UBE4A: variants seen among roughly 807,000 people sequenced by gnomAD.
The protein encoded by UBE4A is ubiquitination factor E4A.
In UBE4A, 48 loss-of-function variants were observed where a neutral mutation model predicts 117.9. The ratio of observed to expected loss-of-function variants is 0.41; its 90% CI spans 0.32 to 0.52. UBE4A has a LOEUF of 0.52. Ranked by LOEUF, UBE4A falls within the 20% of genes least tolerant of loss-of-function variation. The probability of loss-of-function intolerance (pLI) is 0.33; values close to 1 mark genes in which losing one functional copy is unlikely to be tolerated. For missense variants in UBE4A, 1,067 were observed against 1,296.3 expected, an observed-to-expected ratio of 0.82 and a Z score of 2.72; for synonymous variants, 407 against 450.0, an observed-to-expected ratio of 0.90 and a Z score of 1.21.
chr11:118,391,118 G>A (rs1387888582), intron 18 of UBE4A, among the ~76,000 whole-genome samples: 2 of 151,426 alleles, frequency 1.3e-5, no homozygotes, highest in African/African-American at 4.9e-5. Context: ...TAAACAGATG[G>A]TTCTTTTTGG....
At chr11:118,362,116 T>G (rs1351268746) in intron 1 of UBE4A, among the ~76,000 whole-genome samples, 2 of 152,138 alleles carry the variant, frequency 1.3e-5, no homozygotes, top group Non-Finnish European at 2.9e-5. Flanking sequence ...TTTCTCTTGA[T>G]AGTCTTTTTG....
At chr11:118,396,162 T>C in intron 19 of UBE4A, 152 bp from the exon 20 acceptor site, 1 of 852,116 alleles carries the variant, frequency 1.2e-6, no homozygotes, top group South Asian at 2.1e-5. Flanking sequence ...CATCTTGTTC[T>C]CACTCTTTCT....
chr11:118,396,547 CTTTTTTTTTTT>C lies in UBE4A; in HGVS notation c.*115_*125del, dbSNP rs5795126. 7.3e-6 allele frequency: 6 copies of C among 817,902 alleles called. No individual in the cohort carries two copies. The highest frequency in any genetic ancestry group is 2.1e-5 in the African/African-American group (1 of 47,762). The allele number at this position is 817,902 out of a possible 1,614,324, so 50.7% of individuals were successfully genotyped here. Reference sequence around the variant, plus strand: ...TCCTTTTCTTTCTTCTTTTCTTTTTCTTTTTTTTTTTTTTTTTTACTAAATTAGAGAACTGC... The same window carrying C: ...TCCTTTTCTTTCTTCTTTTCTTTTTCTTTTTTTACTAAATTAGAGAACTGC... On this transcript the variant is annotated 3_prime_UTR_variant, in exon 20 of 20. Coordinates refer to ENST00000252108, the MANE Select transcript of UBE4A (RefSeq NM_001204077.2).
At chr11:118,393,011 T>G in intron 19 of UBE4A, 116 bp downstream of exon 19, 1 of 1,035,150 alleles carries the variant, frequency 9.7e-7, no homozygotes, top group Non-Finnish European at 1.4e-6. Context: ...TATTATTGAT[T>G]TACTGATATG....
chr11:118,376,533 C>T lies in UBE4A; in HGVS notation c.1451-41C>T, dbSNP rs781805830. On this transcript the variant is annotated intron_variant, in intron 9 of 19. Coordinates refer to ENST00000252108, the MANE Select transcript of UBE4A (RefSeq NM_001204077.2). ...AATGAGTGTAAGAGGAGACTGGAGA[C>T]CAAGACATTTACCCTCTTTTTTTTT... The T allele has an allele frequency of 1.9e-6, 3 of 1,603,914 alleles. No homozygotes were observed. The East Asian group carries it at 6.7e-5, about 36-fold the overall frequency.
chr11:118,399,111 G>A lies in UBE4A; in HGVS notation c.*2671G>A, dbSNP rs1367150387. The A allele has an allele frequency of 4.4e-6, 2 of 454,262 alleles. No homozygotes were observed. The highest frequency in any genetic ancestry group is 8.9e-6 in the Non-Finnish European group (2 of 225,758). The allele number at this position is 454,262 out of a possible 1,614,324, so 28.1% of individuals were successfully genotyped here. ...GATTGAAATAAAACTTGATCAACGC[G>A]ACTGTATTTTGAAACATTCCAGGAA... On this transcript the variant is annotated 3_prime_UTR_variant, in exon 20 of 20. Coordinates refer to ENST00000252108, the MANE Select transcript of UBE4A (RefSeq NM_001204077.2).
At chr11:118,386,702 C>T (rs1948762337) in intron 16 of UBE4A, 90 bp downstream of exon 16, 2 of 1,373,722 alleles carry the variant, frequency 1.5e-6, no homozygotes, top group Non-Finnish European at 9.6e-7. Context: ...ACTAAGAATT[C>T]AGACCCTGGT....
At position 118,371,619 on chromosome 11, in the gene UBE4A, C is replaced by T. The variant is rs1948610951; in HGVS notation, c.514C>T (p.His172Tyr). The T allele has an allele frequency of 6.2e-7, 1 of 1,613,598 alleles. No individual in the cohort carries two copies. Among genetic ancestry groups the T allele is most frequent in the African/African-American group, 1.3e-5 (1 of 74,896 alleles). Reference sequence around the variant, plus strand: ...TGCTGATCGAGATGCAGGAGAGAGGCACATTTTTTGTTACCTTTACTCCTG... The same window carrying T: ...TGCTGATCGAGATGCAGGAGAGAGGTACATTTTTTGTTACCTTTACTCCTG... ...LSADRDAGER[H>Y]IFCYLYSCFQ... Residue 172 changes from histidine (H) to tyrosine (Y), a missense_variant, in exon 5 of 20, where the codon CAC becomes TAC. This residue lies in a region of UBE4A where 1,001 missense variants were observed against 1,184.0 expected (regional missense o/e 0.85). Transcript: ENST00000252108.
chr11:118,382,806 C>A, intron 13 of UBE4A, 30 bp downstream of exon 13: 1 of 1,511,552 alleles, frequency 6.6e-7, no homozygotes, highest in Non-Finnish European at 8.9e-7. Context: ...GAGCCCAGAA[C>A]TGGGAAGCTG....
At chr11:118,367,362 C>T (rs559896913) in intron 2 of UBE4A, among the ~76,000 whole-genome samples, 59 of 152,094 alleles carry the variant, frequency 3.9e-4, no homozygotes, top group Non-Finnish European at 5.1e-4. Flanking sequence ...AATTTATTCT[C>T]ATCAATCATT....
chr11:118,367,468 G>T (rs1273605724), intron 2 of UBE4A, among the ~76,000 whole-genome samples: 1 of 151,206 alleles, frequency 6.6e-6, no homozygotes, highest in Admixed American at 6.6e-5. Context: ...TGTTGGGTTT[G>T]CATGTAAATC....
At position 118,365,006 on chromosome 11, in the gene UBE4A, G is replaced by T; in HGVS notation, c.-41-34G>T. 3 of 1,505,346 alleles carry T rather than the reference G, an allele frequency of 2.0e-6. No homozygotes were observed. The South Asian group carries it at 3.9e-5, about 20-fold the overall frequency. 93.2% of individuals were successfully genotyped at this position (1,505,346 alleles called of 1,614,324 possible). A position where few individuals can be genotyped will look rare whatever the true frequency, so the allele number is the denominator to read the frequency against. On this transcript the variant is annotated intron_variant, in intron 1 of 19. Coordinates refer to ENST00000252108, the MANE Select transcript of UBE4A (RefSeq NM_001204077.2). ...GTATATTACAGCTATTGTGTCATCT[G>T]CCCTCTTGTGTCTAATACCTGTCCT... is the stretch of plus-strand genomic sequence containing the variant.
chr11:118,371,707 G>T (rs1468954636), intron 5 of UBE4A, 41 bp downstream of exon 5: 2 of 1,561,772 alleles, frequency 1.3e-6, no homozygotes, highest in Non-Finnish European at 1.7e-6. Context: ...TTGTCCTCTT[G>T]GGTATGACTT....
At chr11:118,391,710 C>T (rs1048831197) in intron 18 of UBE4A, among the ~76,000 whole-genome samples, 16 of 150,802 alleles carry the variant, frequency 1.1e-4, no homozygotes, top group African/African-American at 1.2e-4. Flanking sequence ...AGGAGAATGG[C>T]GTGAACCCAG....
In UBE4A at chr11:118,393,658, C is replaced by T. The variant is rs998121460; in HGVS notation, c.3074+763C>T. Among the ~76,000 whole-genome samples, 30 of 151,604 alleles carry T rather than the reference C, an allele frequency of 2.0e-4. 1 individual carries two copies. The highest frequency in any genetic ancestry group is 5.8e-4 in the African/African-American group (24 of 41,274). On this transcript the variant is annotated intron_variant, in intron 19 of 19. Transcript: ENST00000252108. The stretch of plus-strand genomic sequence containing the variant: ...TCACCAAGGCTAGAGTGCAGTGGCG[C>T]GATCTCAGCTCACTGCAAGCTCCGC...
In UBE4A at chr11:118,379,514, A is replaced by G. The variant is rs1197028477; in HGVS notation, c.1640A>G (p.Gln547Arg). ...HRLQVAWRDA[Q>R]QSSSPAADNL... is the part of the protein sequence containing the mutation. ...CTGCAGGTTGCCTGGCGGGATGCTCAGCAAAGTTCTAGCCCTGCTGCTGAC... is the reference window on the plus strand; with the variant it reads ...CTGCAGGTTGCCTGGCGGGATGCTCGGCAAAGTTCTAGCCCTGCTGCTGAC... The change falls in exon 11 of 20, where the codon CAG becomes CGG. Residue 547 changes from glutamine (Q) to arginine (R), a missense_variant. Coordinates refer to ENST00000252108, the MANE Select transcript of UBE4A (RefSeq NM_001204077.2). 2 of 1,614,234 alleles carry G rather than the reference A, an allele frequency of 1.2e-6. No individual in the cohort carries two copies. The highest frequency in any genetic ancestry group is 1.7e-6 in the Non-Finnish European group (2 of 1,180,030).
chr11:118,369,443 G>A lies in UBE4A; in HGVS notation c.316G>A (p.Gly106Arg), dbSNP rs1299730575. The change falls in exon 4 of 20, where the codon GGG becomes AGG. Residue 106 changes from glycine to arginine, a missense_variant. This residue lies in a region of UBE4A where 1,001 missense variants were observed against 1,184.0 expected (regional missense o/e 0.85). Coordinates refer to ENST00000252108, the MANE Select transcript of UBE4A (RefSeq NM_001204077.2). ...CCCAGGTGATCCCAGCTTGAAAAGC[G>A]GGAATGGCATCCCTAGCCGTTGTGT... The part of the protein sequence containing the change: ...LDNSDPSLKS[G>R]NGIPSRCVYL... 9.9e-6 allele frequency: 16 copies of A among 1,614,062 alleles called. No individual in the cohort carries two copies. Among genetic ancestry groups the A allele is most frequent in the South Asian group, 2.2e-5 (2 of 91,072 alleles).
chr11:118,377,210 G>A (rs769343981), intron 10 of UBE4A, among the ~76,000 whole-genome samples: 8 of 151,994 alleles, frequency 5.3e-5, no homozygotes, highest in African/African-American at 1.5e-4. Context: ...AACTTTTATC[G>A]TTGTCGTTGT....
chr11:118,395,783 A>G (rs1948865420), intron 19 of UBE4A, among the ~76,000 whole-genome samples: 1 of 152,208 alleles, frequency 6.6e-6, no homozygotes, highest in Non-Finnish European at 1.5e-5. Flanking sequence ...AAGTTTATTA[A>G]GAAATAGAGG....
Sources: gnomAD v4.1 joint callset for allele counts (sites outside exome capture counted in the v4.1 genomes callset) on GRCh38, gnomAD v4.1.1 for gene constraint, gnomAD v4.1.1 regional missense constraint, MANE v1.5 for transcripts, NCBI Gene and HGNC (gene_info 2026-07-23, HGNC 2026-07-21) for gene names.